WDHD1: variants seen among roughly 807,000 people sequenced by gnomAD.
The protein encoded by WDHD1 is WD repeat and HMG-box DNA-binding protein 1.
WDHD1 carries 111 observed loss-of-function variants against 135.4 expected under a neutral mutation model. The observed-to-expected ratio is 0.82, with a 90% CI of 0.70 to 0.96. The LOEUF is 0.96. Among genes scored for constraint, WDHD1 ranks in the 40% least tolerant of loss-of-function variants. The pLI is 0.00. For missense variants in WDHD1, 1,351 were observed against 1,336.3 expected, an observed-to-expected ratio of 1.01 and a Z score of -0.17; for synonymous variants, 434 against 439.0, an observed-to-expected ratio of 0.99 and a Z score of 0.14.
chr14:54,967,436 T>C, intron 16 of WDHD1, 42 bp from the exon 17 acceptor site: 2 of 1,474,798 alleles, frequency 1.4e-6, no homozygotes, highest in Non-Finnish European at 1.9e-6. Flanking sequence ...TTTACTAACA[T>C]GTCATAAAAA....
At chr14:54,986,566 G>A (rs1423462594) in intron 14 of WDHD1, among the ~76,000 whole-genome samples, 2 of 152,144 alleles carry the variant, frequency 1.3e-5, no homozygotes, top group East Asian at 3.8e-4. Flanking sequence ...TAGAGAAAAA[G>A]GGGATACACT....
At chr14:54,960,820 T>A (rs1000901302) in intron 21 of WDHD1, among the ~76,000 whole-genome samples, 4 of 144,536 alleles carry the variant, frequency 2.8e-5, no homozygotes, top group African/African-American at 1.0e-4. Flanking sequence ...TATTTTTTGA[T>A]ACAGGGTCTT....
At chr14:54,996,654 T>C (rs909388225) in intron 10 of WDHD1, among the ~76,000 whole-genome samples, 3 of 152,160 alleles carry the variant, frequency 2.0e-5, no homozygotes, top group Non-Finnish European at 2.9e-5. Context: ...GCAGATACAC[T>C]GCAAAGATCC....
chr14:54,948,597 A>C (rs2040976676), intron 24 of WDHD1, among the ~76,000 whole-genome samples: 1 of 152,220 alleles, frequency 6.6e-6, no homozygotes, highest in South Asian at 2.1e-4. Flanking sequence ...GAACAAAGGC[A>C]GCAGAAACCT....
chr14:54,961,408 C>T (rs2041250016), intron 21 of WDHD1, among the ~76,000 whole-genome samples: 1 of 152,178 alleles, frequency 6.6e-6, no homozygotes, highest in Non-Finnish European at 1.5e-5. Context: ...GCCCATCACT[C>T]CGAAACCCTT....
intron 11 of WDHD1, among the ~76,000 whole-genome samples, chr14:54,992,372 C>G (rs2041807003): frequency 6.6e-6 from 1 of 152,072 alleles, no homozygotes; most frequent in African/African-American, 2.4e-5. Flanking sequence ...CACCTATAAT[C>G]CCAGCTACTC....
At chr14:54,965,013 A>G (rs1279804841) in intron 18 of WDHD1, among the ~76,000 whole-genome samples, 1 of 152,250 alleles carries the variant, frequency 6.6e-6, no homozygotes, top group African/African-American at 2.4e-5. Context: ...ATGTTGCATA[A>G]AGGTGACAGT....
At chr14:54,981,441 GA>G in intron 16 of WDHD1, 98 bp downstream of exon 16, 1 of 1,182,364 alleles carries the variant, frequency 8.5e-7, no homozygotes, top group South Asian at 1.5e-5. Context: ...CAAGTAATTG[GA>G]CTAAGATAAA....
chr14:54,982,040 C>CTG (rs1555369064), intron 15 of WDHD1, among the ~76,000 whole-genome samples: 1 of 151,038 alleles, frequency 6.6e-6, no homozygotes, highest in Non-Finnish European at 1.5e-5. Context: ...TGGAGTCTTG[C>CTG]TGTGTACCCA....
intron 7 of WDHD1, among the ~76,000 whole-genome samples, chr14:55,007,046 A>G (rs2042082443): frequency 6.6e-6 from 1 of 151,780 alleles, no homozygotes; most frequent in South Asian, 2.1e-4. Flanking sequence ...GGGCAACACG[A>G]TGAAACCTCC....
At chr14:55,025,654 G>A (rs973099773) in intron 2 of WDHD1, among the ~76,000 whole-genome samples, 1 of 152,188 alleles carries the variant, frequency 6.6e-6, no homozygotes, top group African/African-American at 2.4e-5. Context: ...AGGATAAAAC[G>A]AGATTCCTTA....
At position 55,000,567 on chromosome 14, in the gene WDHD1, G is replaced by GC; in HGVS notation, c.877dup (p.Ala293GlyfsTer13). On this transcript the variant is annotated frameshift_variant, in exon 10 of 26. Coordinates refer to ENST00000360586, the MANE Select transcript of WDHD1 (RefSeq NM_007086.4). LOFTEE classifies it high-confidence loss of function. ...CTCTAGAAGCCCTAGATTTCCTTCC[G>GC]CATCAGTATACGATATTCGACCACA... The GC allele has an allele frequency of 6.2e-7, 1 of 1,609,098 alleles. No individual in the cohort carries two copies. Among genetic ancestry groups the GC allele is most frequent in the Non-Finnish European group, 8.5e-7 (1 of 1,177,588 alleles).
At chr14:55,003,641 G>C (rs1253067731) in intron 7 of WDHD1, among the ~76,000 whole-genome samples, 1 of 149,280 alleles carries the variant, frequency 6.7e-6, no homozygotes, top group Non-Finnish European at 1.5e-5. Flanking sequence ...TTGGCTCACT[G>C]CAACCTCTGC....
In WDHD1 at chr14:54,961,086, T is replaced by C. The variant is rs147686808; in HGVS notation, c.2701+1412A>G. Among the ~76,000 whole-genome samples the C allele has an allele frequency of 1.8e-3, 270 of 152,326 alleles. 1 individual carries two copies. Among genetic ancestry groups the C allele is most frequent in the African/African-American group, 6.3e-3 (261 of 41,564 alleles). On this transcript the variant is annotated intron_variant, in intron 21 of 25. Transcript: ENST00000360586. ...TCTCAAAATGCTGAGGTTACAGACA[T>C]GAGCCATCACACCTGGCCAGTAGTC...
intron 3 of WDHD1, among the ~76,000 whole-genome samples, chr14:55,011,596 C>T (rs1281207668): frequency 1.3e-5 from 2 of 148,644 alleles, no homozygotes; most frequent in African/African-American, 2.5e-5. Flanking sequence ...AATTAATCTC[C>T]ATTAACATTT....
intron 2 of WDHD1, among the ~76,000 whole-genome samples, chr14:55,020,825 T>C (rs1322092468): frequency 6.6e-6 from 1 of 152,216 alleles, no homozygotes; most frequent in Non-Finnish European, 1.5e-5. Flanking sequence ...AATTAACACA[T>C]ATTTTGTCTA....
In WDHD1 at chr14:54,969,030, T is replaced by C. The variant is rs1170371985; in HGVS notation, c.2064-1636A>G. On this transcript the variant is annotated intron_variant, in intron 16 of 25. Transcript: ENST00000360586. ...GCACTCCAGCCTAGGTAAGACCTTGTTTCTATTTATTTATTTATTTATTTT... is the reference window on the plus strand; with the variant it reads ...GCACTCCAGCCTAGGTAAGACCTTGCTTCTATTTATTTATTTATTTATTTT... 3.3e-5 allele frequency among the ~76,000 whole-genome samples: 5 copies of C among 151,674 alleles called. No homozygotes were observed. In the East Asian group the frequency reaches 9.8e-4, roughly 30 times the overall value.
intron 18 of WDHD1, among the ~76,000 whole-genome samples, chr14:54,966,164 T>A (rs867927394): frequency 3.6e-4 from 24 of 67,178 alleles, no homozygotes; most frequent in African/African-American, 6.3e-4. Flanking sequence ...CCATCTCTAC[T>A]AAAAAAAAAA....
At chr14:54,999,819 C>T (rs960769117) in intron 10 of WDHD1, among the ~76,000 whole-genome samples, 1 of 152,102 alleles carries the variant, frequency 6.6e-6, no homozygotes, top group African/African-American at 2.4e-5. Context: ...GTTGCCCAGG[C>T]TGATCTCAAA....
Sources: gnomAD v4.1 joint callset for allele counts (sites outside exome capture counted in the v4.1 genomes callset) on GRCh38, gnomAD v4.1.1 for gene constraint, MANE v1.5 for transcripts, NCBI Gene and HGNC (gene_info 2026-07-23, HGNC 2026-07-21) for gene names.